BTBD8: variants seen among roughly 807,000 people sequenced by gnomAD.
BTBD8 encodes BTB domain containing 8, also known as BTB/POZ domain-containing protein 8.
BTBD8 carries 110 observed loss-of-function variants against 162.9 expected under a neutral mutation model. The ratio of observed to expected loss-of-function variants is 0.68; its 90% CI spans 0.58 to 0.79. BTBD8 has a LOEUF of 0.79. Ranked by LOEUF, BTBD8 falls within the 30% of genes least tolerant of loss-of-function variation. The pLI is 0.00. For missense variants in BTBD8, 1,905 were observed against 2,085.4 expected, an observed-to-expected ratio of 0.91 and a Z score of 1.68; for synonymous variants, 667 against 716.1, an observed-to-expected ratio of 0.93 and a Z score of 1.10.
chr1:92,106,456 C>T (rs962562372), intron 3 of BTBD8, among the ~76,000 whole-genome samples: 88 of 151,498 alleles, frequency 5.8e-4, no homozygotes, highest in African/African-American at 2.0e-3. Flanking sequence ...GTCAGGAGAT[C>T]GAGACCATCC....
intron 5 of BTBD8, among the ~76,000 whole-genome samples, chr1:92,134,306 A>G (rs995253137): frequency 2.6e-5 from 4 of 152,236 alleles, no homozygotes; most frequent in African/African-American, 9.6e-5. Flanking sequence ...AAAATCCTTC[A>G]GTGTCTTCTC....
At chr1:92,167,247 T>C in intron 10 of BTBD8, 107 bp downstream of exon 10, 1 of 1,324,262 alleles carries the variant, frequency 7.6e-7, no homozygotes, top group Non-Finnish European at 1.0e-6. Context: ...TTAATGTGAT[T>C]TAAATAAACT....
At chr1:92,090,905 T>C (rs11166136) in intron 2 of BTBD8, among the ~76,000 whole-genome samples, 12,435 of 152,266 alleles carry the variant, frequency 0.082, 1,469 homozygotes, top group African/African-American at 0.26. Context: ...GCACTCCAGC[T>C]TGGATGACGG....
chr1:92,101,645 C>T (rs1255091158), intron 2 of BTBD8, among the ~76,000 whole-genome samples: 5 of 152,172 alleles, frequency 3.3e-5, no homozygotes, highest in Non-Finnish European at 7.4e-5. Flanking sequence ...TACTTTTTAA[C>T]ATTTAACATT....
intron 1 of BTBD8, among the ~76,000 whole-genome samples, chr1:92,087,485 C>T (rs1004928580): frequency 6.6e-6 from 1 of 152,098 alleles, no homozygotes; most frequent in Non-Finnish European, 1.5e-5. Flanking sequence ...TTTCAAGGTT[C>T]TGAAAGCTTT....
At chr1:92,152,073 C>G (rs775338888) in intron 9 of BTBD8, among the ~76,000 whole-genome samples, 1 of 152,024 alleles carries the variant, frequency 6.6e-6, no homozygotes, top group Non-Finnish European at 1.5e-5. Flanking sequence ...AGTTAAGTGC[C>G]CTGTTCAAGT....
intron 4 of BTBD8, chr1:92,115,084 A>C (rs911659482): frequency 4.8e-6 from 2 of 419,928 alleles, no homozygotes; most frequent in African/African-American, 4.1e-5. Context: ...TTCATGACTA[A>C]CATGTTGGCA....
intron 4 of BTBD8, among the ~76,000 whole-genome samples, chr1:92,117,250 G>C (rs1459443573): frequency 6.6e-6 from 1 of 151,676 alleles, no homozygotes; most frequent in Non-Finnish European, 1.5e-5. Context: ...TTTTGCTGCT[G>C]CTTCACATTA....
At position 92,182,242 on chromosome 1, in the gene BTBD8, T is replaced by A. The variant is rs1403607672; in HGVS notation, c.4559T>A (p.Ile1520Asn). 5 of 1,551,104 alleles carry A rather than the reference T, an allele frequency of 3.2e-6. No individual in the cohort carries two copies. In the South Asian group the frequency reaches 6.0e-5, roughly 18 times the overall value. ...NESTVLDLSS[I>N]DSSRKNKQSV... Reference sequence around the variant, plus strand: ...AGCACTGTCTTGGATCTTAGTAGCATTGACTCTTCAAGAAAAAATAAACAG... The same window carrying A: ...AGCACTGTCTTGGATCTTAGTAGCAATGACTCTTCAAGAAAAAATAAACAG... Residue 1520 changes from isoleucine (I) to asparagine (N), a missense_variant, in exon 17 of 18, where the codon ATT (isoleucine) becomes AAT (asparagine). Around this residue, in one of 3 missense-constraint regions of BTBD8, gnomAD observed 517 missense variants for 606.6 expected, o/e 0.85. Coordinates refer to ENST00000636805, the MANE Select transcript of BTBD8 (RefSeq NM_001376131.1).
chr1:92,124,630 C>A (rs1199213601), intron 4 of BTBD8, among the ~76,000 whole-genome samples: 2 of 152,132 alleles, frequency 1.3e-5, no homozygotes, highest in African/African-American at 4.8e-5. Context: ...GATTTAACAC[C>A]TGTAATCTCA....
chr1:92,106,534 A>C (rs769073199), intron 3 of BTBD8, among the ~76,000 whole-genome samples: 50 of 151,540 alleles, frequency 3.3e-4, no homozygotes, highest in Middle Eastern at 3.4e-3. Context: ...GGTGGCATAC[A>C]CCTGTAGTCC....
intron 6 of BTBD8, among the ~76,000 whole-genome samples, chr1:92,140,750 C>T (rs765281131): frequency 3.3e-5 from 5 of 152,308 alleles, no homozygotes; most frequent in South Asian, 2.1e-4. Flanking sequence ...ATTGCCTCCC[C>T]GCCCCTGCCA....
At chr1:92,161,828 TTTTG>T (rs538542430) in intron 9 of BTBD8, among the ~76,000 whole-genome samples, 10 of 152,354 alleles carry the variant, frequency 6.6e-5, no homozygotes, top group Non-Finnish European at 1.0e-4. Context: ...AAAAGATGTT[TTTTG>T]TTTGTTTGTT....
At position 92,177,839 on chromosome 1, in the gene BTBD8, T is replaced by C. The variant is rs971432982; in HGVS notation, c.2382T>C (p.Val794=). 4 of 1,542,794 alleles carry C rather than the reference T, an allele frequency of 2.6e-6. No individual in the cohort carries two copies. In the African/African-American group the frequency reaches 5.5e-5, roughly 21 times the overall value. Residue 794 remains valine, a synonymous_variant, in exon 15 of 18, where the codon GTT becomes GTC. Coordinates refer to ENST00000636805, the MANE Select transcript of BTBD8 (RefSeq NM_001376131.1). ...TAAAATCTCGACCTGTTTCAAGAGT[T>C]ACCAATGGAACTTCCAATAAAAAAA... ...VAIKSRPVSR[V]TNGTSNKKSI...
In BTBD8 at chr1:92,080,732, C is replaced by T. The variant is rs765228088; in HGVS notation, c.149+12C>T. ...CAGGATTTGCTCAGGTAGGAGGAGG[C>T]GGGAACTCTGGCTGCTTCAGTTCCT... is the stretch of plus-strand genomic sequence containing the variant. On this transcript the variant is annotated intron_variant, in intron 1 of 17. Coordinates refer to ENST00000636805, the MANE Select transcript of BTBD8 (RefSeq NM_001376131.1). 3 of 1,604,318 alleles carry T rather than the reference C, an allele frequency of 1.9e-6. No homozygotes were observed. Among genetic ancestry groups the T allele is most frequent in the Non-Finnish European group, 2.6e-6 (3 of 1,176,296 alleles).
intron 12 of BTBD8, among the ~76,000 whole-genome samples, chr1:92,170,001 C>G (rs952919976): frequency 6.6e-6 from 1 of 151,994 alleles, no homozygotes; most frequent in Non-Finnish European, 1.5e-5. Context: ...TTTATTTTTA[C>G]AAAATTTATG....
intron 9 of BTBD8, chr1:92,150,936 A>C (rs1348552921): frequency 6.6e-6 from 1 of 152,184 alleles, no homozygotes; most frequent in Admixed American, 6.5e-5. Context: ...TGTATATATA[A>C]ATACCTCCTA....
At chr1:92,083,960 T>C (rs1648089108) in intron 1 of BTBD8, among the ~76,000 whole-genome samples, 1 of 152,130 alleles carries the variant, frequency 6.6e-6, no homozygotes, top group Non-Finnish European at 1.5e-5. Context: ...AGGTGTATAA[T>C]GAATGTCCAG....
In BTBD8 at chr1:92,139,657, ACT is replaced by A. The variant is rs1491148477; in HGVS notation, c.833+228_833+229del. 7.8e-5 allele frequency: 66 copies of A among 847,630 alleles called. 1 individual carries two copies. Among genetic ancestry groups the A allele is most frequent in the Non-Finnish European group, 9.2e-5 (63 of 685,540 alleles). The allele number at this position is 847,630 out of a possible 1,614,324, so 52.5% of individuals were successfully genotyped here. A position where few individuals can be genotyped will look rare whatever the true frequency, so the allele number is the denominator to read the frequency against. Reference sequence around the variant, plus strand: ...TAAGATTGAGAACAGTCTTTATTAGACTTAAATTTAGAAGAAGCTATAAATTA... The same window carrying A: ...TAAGATTGAGAACAGTCTTTATTAGATAAATTTAGAAGAAGCTATAAATTA... On this transcript the variant is annotated intron_variant, in intron 6 of 17. Coordinates refer to ENST00000636805, the MANE Select transcript of BTBD8 (RefSeq NM_001376131.1).
Sources: gnomAD v4.1 joint callset for allele counts (sites outside exome capture counted in the v4.1 genomes callset) on GRCh38, gnomAD v4.1.1 for gene constraint, gnomAD v4.1.1 regional missense constraint, MANE v1.5 for transcripts, NCBI Gene and HGNC (gene_info 2026-07-23, HGNC 2026-07-21) for gene names.